The following TANC2 variants were observed in gnomAD, a reference collection of about 807,000 sequenced individuals.
TANC2 encodes protein TANC2.
Under a neutral mutation model 210.5 loss-of-function variants are expected in TANC2, and 26 were observed. That is an observed-to-expected ratio of 0.12 (90% CI 0.09 to 0.17). The LOEUF (loss-of-function observed/expected upper bound fraction) is 0.17. TANC2 is among the 10% of genes least tolerant of loss of function. TANC2 has a pLI of 1.00. For missense variants in TANC2, 2,129 were observed against 2,608.9 expected, an observed-to-expected ratio of 0.82 and a Z score of 4.01; for synonymous variants, 931 against 967.1, an observed-to-expected ratio of 0.96 and a Z score of 0.69.
At chr17:63,095,985 T>A (rs2037373681) in intron 3 of TANC2, among the ~76,000 whole-genome samples, 1 of 152,170 alleles carries the variant, frequency 6.6e-6, no homozygotes, top group East Asian at 1.9e-4. Flanking sequence ...TGGAACATTT[T>A]AAGTGAAAAG....
chr17:63,278,073 A>G (rs1318068246), intron 9 of TANC2, among the ~76,000 whole-genome samples: 3 of 152,138 alleles, frequency 2.0e-5, no homozygotes, highest in Non-Finnish European at 4.4e-5. Context: ...CAGGAGGATC[A>G]CTTGAGTCCA....
chr17:63,424,785 G>A (rs909717021), exon 28 of TANC2: 1 of 152,016 alleles, frequency 6.6e-6, no homozygotes, highest in African/African-American at 2.4e-5. Flanking sequence ...TAGCAGAACC[G>A]CTCTTGTCTT....
intron 25 of TANC2, chr17:63,414,408 C>A (rs2048797512): frequency 6.6e-6 from 1 of 152,172 alleles, no homozygotes; most frequent in South Asian, 2.1e-4. Flanking sequence ...TCTAAGTACC[C>A]TTTGAATGAG....
exon 20 of TANC2, chr17:63,405,251 G>T: frequency 6.4e-7 from 1 of 1,574,770 alleles, no homozygotes; most frequent in Non-Finnish European, 8.7e-7. Context: ...CAGGGCCACT[G>T]GCAGGTAAGC....
At chr17:63,248,156 A>G (rs2042966071) in intron 8 of TANC2, among the ~76,000 whole-genome samples, 1 of 152,056 alleles carries the variant, frequency 6.6e-6, no homozygotes, top group Non-Finnish European at 1.5e-5. Context: ...TTCTCGTCTC[A>G]GGAGGGTCTG....
At chr17:63,391,159 C>G (rs1429668895) in intron 17 of TANC2, 1 of 152,122 alleles carries the variant, frequency 6.6e-6, no homozygotes, top group Non-Finnish European at 1.5e-5. Context: ...TTCTACAAAC[C>G]TATGAATGTA....
intron 14 of TANC2, among the ~76,000 whole-genome samples, chr17:63,372,856 T>A (rs2047311849): frequency 6.6e-6 from 1 of 151,830 alleles, no homozygotes; most frequent in Admixed American, 6.6e-5. Context: ...TTTATGACCA[T>A]ATCTGAACCC....
At position 63,374,507 on chromosome 17, in the gene TANC2, G is replaced by A. The variant is rs543349670; in HGVS notation, c.2583-5211G>A. Among the ~76,000 whole-genome samples, 23 of 152,294 alleles carry A rather than the reference G, an allele frequency of 1.5e-4. No homozygotes were observed. The South Asian group carries it at 4.6e-3, about 30-fold the overall frequency. ...GCCCTGCAGTGGGTGCTGTAATGGA[G>A]ATGTGTACCAGGTACAACAGGAACC... On this transcript the variant is annotated intron_variant, in intron 14 of 27. Coordinates refer to ENST00000689528, the Ensembl canonical transcript of TANC2.
At chr17:63,016,295 G>T (rs1340572771) in intron 2 of TANC2, among the ~76,000 whole-genome samples, 4 of 152,154 alleles carry the variant, frequency 2.6e-5, no homozygotes, top group African/African-American at 9.7e-5. Flanking sequence ...ACATCATTAA[G>T]GCTGGGTGTG....
At chr17:63,086,887 C>A (rs1174003082) in intron 3 of TANC2, among the ~76,000 whole-genome samples, 1 of 151,406 alleles carries the variant, frequency 6.6e-6, no homozygotes, top group Non-Finnish European at 1.5e-5. Context: ...AATCAGCATT[C>A]TATAAAATGG....
chr17:63,271,241 T>A (rs918353837), intron 9 of TANC2, among the ~76,000 whole-genome samples: 1 of 152,170 alleles, frequency 6.6e-6, no homozygotes, highest in African/African-American at 2.4e-5. Context: ...GCCACACTGT[T>A]TTCCACAGTG....
chr17:63,276,323 C>G (rs1447841502), intron 9 of TANC2, among the ~76,000 whole-genome samples: 1 of 152,036 alleles, frequency 6.6e-6, no homozygotes, highest in African/African-American at 2.4e-5. Context: ...AGCCAACACT[C>G]TAAGAGCACA....
intron 4 of TANC2, among the ~76,000 whole-genome samples, chr17:63,101,648 G>T (rs1250780238): frequency 1.3e-5 from 2 of 152,098 alleles, no homozygotes; most frequent in Non-Finnish European, 2.9e-5. Flanking sequence ...CTGCCTTCAA[G>T]GATTTTATAT....
intron 8 of TANC2, among the ~76,000 whole-genome samples, chr17:63,253,773 C>T (rs1191885098): frequency 6.6e-6 from 1 of 152,062 alleles, no homozygotes; most frequent in East Asian, 1.9e-4. Context: ...GTGTGTGCCA[C>T]CCACACCCAA....
In TANC2 at chr17:63,134,381, T is replaced by C. The variant is rs557617889; in HGVS notation, c.323-16889T>C. On this transcript the variant is annotated intron_variant, in intron 4 of 27. Coordinates refer to ENST00000689528, the Ensembl canonical transcript of TANC2. ...GCACTATGCTAATTTTACAGAAATATGTTCATTTAAATCTTTTACCTTGAG... is the reference window on the plus strand; with the variant it reads ...GCACTATGCTAATTTTACAGAAATACGTTCATTTAAATCTTTTACCTTGAG... 2.0e-5 allele frequency among the ~76,000 whole-genome samples: 3 copies of C among 152,272 alleles called. No individual in the cohort carries two copies. The East Asian group carries it at 5.8e-4, about 29-fold the overall frequency.
At chr17:63,029,608 G>T (rs1212219758) in intron 2 of TANC2, among the ~76,000 whole-genome samples, 1 of 152,224 alleles carries the variant, frequency 6.6e-6, no homozygotes, top group South Asian at 2.1e-4. Flanking sequence ...GTCTTATACT[G>T]TAATGGAAAG....
At chr17:63,327,991 T>C (rs1450675888) in intron 11 of TANC2, among the ~76,000 whole-genome samples, 1 of 152,232 alleles carries the variant, frequency 6.6e-6, no homozygotes, top group African/African-American at 2.4e-5. Flanking sequence ...GTTCTCATTG[T>C]TCAATTCCCA....
At chr17:62,977,943 G>T (rs1041599846) in intron 1 of TANC2, among the ~76,000 whole-genome samples, 1 of 151,944 alleles carries the variant, frequency 6.6e-6, no homozygotes, top group East Asian at 1.9e-4. Flanking sequence ...ATTAAATAGG[G>T]ATCATATTAT....
At chr17:63,301,267 TG>T (rs2044703673) in intron 9 of TANC2, among the ~76,000 whole-genome samples, 1 of 152,146 alleles carries the variant, frequency 6.6e-6, no homozygotes, top group Non-Finnish European at 1.5e-5. Context: ...TGCCAGGTTT[TG>T]GTATAAGGAT....
Sources: allele counts gnomAD v4.1 joint callset (sites outside exome capture counted in the v4.1 genomes callset), GRCh38; gene constraint gnomAD v4.1.1; transcripts MANE v1.5; gene names NCBI Gene and HGNC (gene_info 2026-07-23, HGNC 2026-07-21).